LINGO2: variants seen among roughly 807,000 people sequenced by gnomAD.
LINGO2 encodes leucine rich repeat and Ig domain containing 2.
LINGO2 carries 14 observed loss-of-function variants against 30.6 expected under a neutral mutation model. That is an observed-to-expected ratio of 0.46 (90% CI 0.30 to 0.72). The LOEUF (loss-of-function observed/expected upper bound fraction) is 0.72, where lower values mean the gene tolerates loss of function less well. Among genes scored for constraint, LINGO2 ranks in the 30% least tolerant of loss-of-function variants. LINGO2 has a pLI of 0.07. For synonymous variants in LINGO2, 317 were observed against 288.5 expected, an observed-to-expected ratio of 1.10 and a Z score of -1.00; for missense variants, 729 against 751.7, an observed-to-expected ratio of 0.97 and a Z score of 0.35.
the LINGO2 span, among the ~76,000 whole-genome samples, chr9:28,987,895 C>T: frequency 7.4e-3 from 1,120 of 152,196 alleles, 17 homozygotes; most frequent in African/African-American, 0.025. Context: ...GGTCAGAAAA[C>T]ATACCTGATA....
chr9:28,668,826 CT>C (rs1321628954), intron 1 of LINGO2, among the ~76,000 whole-genome samples: 2 of 151,978 alleles, frequency 1.3e-5, no homozygotes, highest in Non-Finnish European at 2.9e-5. Context: ...TGGAAGAGCC[CT>C]ATAAATGACA....
chr9:28,053,667 T>C (rs1050610480), intron 4 of LINGO2, among the ~76,000 whole-genome samples: 1 of 152,064 alleles, frequency 6.6e-6, no homozygotes, highest in African/African-American at 2.4e-5. Flanking sequence ...TGGGGAATTG[T>C]AAAATAAACT....
upstream of LINGO2, among the ~76,000 whole-genome samples, chr9:28,672,974 C>T (rs748120451): frequency 7.2e-5 from 11 of 152,106 alleles, no homozygotes; most frequent in East Asian, 7.7e-4. Flanking sequence ...AAAGAAGAAA[C>T]ACAATAAACA....
the LINGO2 span, among the ~76,000 whole-genome samples, chr9:28,931,828 G>T: frequency 6.6e-6 from 1 of 151,960 alleles, no homozygotes; most frequent in Non-Finnish European, 1.5e-5. Context: ...GCAGTGGCGG[G>T]GCTGGGTGCG....
At chr9:28,990,296 T>A in the LINGO2 span, among the ~76,000 whole-genome samples, 2 of 152,080 alleles carry the variant, frequency 1.3e-5, no homozygotes, top group East Asian at 3.9e-4. Context: ...GCAGCAAGGC[T>A]GGGGGAGGGG....
intron 2 of LINGO2, among the ~76,000 whole-genome samples, chr9:28,454,131 A>G (rs1447857335): frequency 6.6e-6 from 1 of 152,048 alleles, no homozygotes; most frequent in Non-Finnish European, 1.5e-5. Context: ...AAGGTAAGTA[A>G]GAGGCTGGAA....
chr9:28,671,493 C>T (rs1435058263), upstream of LINGO2, among the ~76,000 whole-genome samples: 2 of 134,860 alleles, frequency 1.5e-5, no homozygotes, highest in African/African-American at 2.7e-5. Context: ...ATGGACAGAG[C>T]TGGAGGCCAT....
the LINGO2 span, among the ~76,000 whole-genome samples, chr9:29,187,780 A>ATTTTT: frequency 8.4e-6 from 1 of 118,848 alleles, no homozygotes; most frequent in African/African-American, 3.1e-5. Context: ...ATACATTTCA[A>ATTTTT]TTTTTTTTTT....
chr9:28,983,240 G>T, the LINGO2 span, among the ~76,000 whole-genome samples: 6,243 of 150,092 alleles, frequency 0.042, 200 homozygotes, highest in Admixed American at 0.084. Flanking sequence ...AACGTATTGT[G>T]TCTCGCAAAG....
the LINGO2 span, among the ~76,000 whole-genome samples, chr9:29,070,705 G>A: frequency 2.7e-5 from 4 of 148,852 alleles, no homozygotes; most frequent in African/African-American, 7.4e-5. Flanking sequence ...TCAACTCTCT[G>A]AACATTAACT....
At chr9:28,013,407 C>G (rs966914997) in intron 4 of LINGO2, among the ~76,000 whole-genome samples, 1 of 152,328 alleles carries the variant, frequency 6.6e-6, no homozygotes, top group South Asian at 2.1e-4. Flanking sequence ...ATCTGCTGTA[C>G]TCAGGGAAAA....
At chr9:28,024,787 C>G (rs886578204) in intron 4 of LINGO2, among the ~76,000 whole-genome samples, 1 of 152,146 alleles carries the variant, frequency 6.6e-6, no homozygotes, top group African/African-American at 2.4e-5. Context: ...GAAGAGTAGG[C>G]TTGTGCCAGG....
At chr9:28,334,750 A>C (rs1170898504) in intron 3 of LINGO2, among the ~76,000 whole-genome samples, 1 of 152,126 alleles carries the variant, frequency 6.6e-6, no homozygotes, top group Non-Finnish European at 1.5e-5. Context: ...ACTCATGCCC[A>C]AGGCAGGTAT....
the LINGO2 span, among the ~76,000 whole-genome samples, chr9:28,997,007 A>T: frequency 1.3e-5 from 2 of 152,230 alleles, no homozygotes; most frequent in African/African-American, 4.8e-5. Flanking sequence ...AAGGACTGCA[A>T]ATTAGATATT....
chr9:28,084,530 A>C (rs142975842), intron 4 of LINGO2, among the ~76,000 whole-genome samples: 72 of 152,194 alleles, frequency 4.7e-4, no homozygotes, highest in East Asian at 2.5e-3. Context: ...CTTAAATTTA[A>C]TTCTTCAAAT....
chr9:28,123,839 A>AT (rs989297920), intron 4 of LINGO2, among the ~76,000 whole-genome samples: 2 of 151,360 alleles, frequency 1.3e-5, no homozygotes, highest in African/African-American at 4.9e-5. Context: ...AATTTTTTGT[A>AT]TTTTTTTCAG....
At chr9:28,145,148 G>C (rs1406669512) in intron 4 of LINGO2, among the ~76,000 whole-genome samples, 1 of 152,120 alleles carries the variant, frequency 6.6e-6, no homozygotes, top group Admixed American at 6.5e-5. Context: ...CAGAAAATTA[G>C]GCCACAGTAA....
intron 1 of LINGO2, among the ~76,000 whole-genome samples, chr9:28,484,245 T>C (rs1426825346): frequency 6.6e-5 from 10 of 152,186 alleles, no homozygotes; most frequent in African/African-American, 1.9e-4. Flanking sequence ...ATGTGGAGTA[T>C]ACCAGCTTTT....
At chr9:28,556,789 CA>C (rs1395934008) in intron 1 of LINGO2, among the ~76,000 whole-genome samples, 3 of 151,808 alleles carry the variant, frequency 2.0e-5, no homozygotes, top group Non-Finnish European at 4.4e-5. Flanking sequence ...GTACTGGTAC[CA>C]AAACAGAGAT....
Sources: gnomAD v4.1 joint callset for allele counts (sites outside exome capture counted in the v4.1 genomes callset) on GRCh38, gnomAD v4.1.1 for gene constraint, MANE v1.5 for transcripts, NCBI Gene and HGNC (gene_info 2026-07-23, HGNC 2026-07-21) for gene names.